Variants in LDB2 observed in about 807,000 individuals in gnomAD.
LDB2 encodes LIM domain binding 2.
A neutral mutation model predicts 44.3 loss-of-function variants in LDB2; 12 were observed. That is an observed-to-expected ratio of 0.27 (90% CI 0.17 to 0.44). The LOEUF (loss-of-function observed/expected upper bound fraction) is 0.44, where lower values mean the gene tolerates loss of function less well. Ranked by LOEUF, LDB2 falls within the 20% of genes least tolerant of loss-of-function variation. LDB2 has a pLI of 1.00. For missense variants in LDB2, 344 were observed against 473.5 expected (o/e 0.73, Z 2.54); for synonymous variants, 164 against 174.8 (o/e 0.94, Z 0.49).
At chr4:16,529,400 C>A (rs1357011949) in intron 5 of LDB2, among the ~76,000 whole-genome samples, 1 of 152,194 alleles carries the variant, frequency 6.6e-6, no homozygotes, top group Non-Finnish European at 1.5e-5. Context: ...AGGCAAACCA[C>A]TGACAGGCCA....
chr4:16,812,606 A>G (rs929752496), intron 1 of LDB2, among the ~76,000 whole-genome samples: 1 of 128,076 alleles, frequency 7.8e-6, no homozygotes, highest in East Asian at 2.9e-4. Context: ...ATATATATAT[A>G]TATATATATC....
intron 2 of LDB2, among the ~76,000 whole-genome samples, chr4:16,670,061 A>G (rs752320602): frequency 1.6e-4 from 25 of 152,210 alleles, no homozygotes; most frequent in Non-Finnish European, 3.5e-4. Context: ...AACCTAAAAT[A>G]TTTTCTGTCT....
chr4:16,580,566 C>A (rs1713979502), intron 5 of LDB2, among the ~76,000 whole-genome samples: 1 of 152,132 alleles, frequency 6.6e-6, no homozygotes, highest in South Asian at 2.1e-4. Flanking sequence ...CTTTTTGTGA[C>A]TAAAATATAG....
chr4:16,656,028 T>C (rs906334415), intron 2 of LDB2, among the ~76,000 whole-genome samples: 1 of 148,266 alleles, frequency 6.7e-6, no homozygotes, highest in Non-Finnish European at 1.5e-5. Flanking sequence ...GCCTCCCAAG[T>C]AGCTGGGACT....
chr4:16,631,917 C>A (rs1383880739), intron 2 of LDB2, among the ~76,000 whole-genome samples: 1 of 152,184 alleles, frequency 6.6e-6, no homozygotes, highest in Non-Finnish European at 1.5e-5. Context: ...AGACCAATAA[C>A]AAGTTCTGAA....
intron 2 of LDB2, among the ~76,000 whole-genome samples, chr4:16,640,803 C>T (rs1236482234): frequency 6.6e-6 from 1 of 152,072 alleles, no homozygotes; most frequent in South Asian, 2.1e-4. Context: ...AGATTCTATG[C>T]CAGAAGGCTG....
chr4:16,617,117 C>T (rs75901943), intron 2 of LDB2, among the ~76,000 whole-genome samples: 5 of 152,178 alleles, frequency 3.3e-5, no homozygotes, highest in African/African-American at 7.2e-5. Context: ...AAGGCAAAGC[C>T]GGACGTGATC....
chr4:16,685,787 G>A (rs539852676), intron 2 of LDB2, among the ~76,000 whole-genome samples: 1 of 152,268 alleles, frequency 6.6e-6, no homozygotes, highest in South Asian at 2.1e-4. Flanking sequence ...AGTGGTTCAT[G>A]CCTGTAATCC....
chr4:16,683,547 G>A (rs936598329), intron 2 of LDB2, among the ~76,000 whole-genome samples: 1 of 152,100 alleles, frequency 6.6e-6, no homozygotes, highest in African/African-American at 2.4e-5. Flanking sequence ...CATTTTTCAG[G>A]ACCAATTAAC....
intron 3 of LDB2, among the ~76,000 whole-genome samples, chr4:16,592,505 T>TATATACACAC (rs757702164): frequency 5.3e-4 from 57 of 108,030 alleles, no homozygotes; most frequent in African/African-American, 1.5e-3. Flanking sequence ...TATATATATA[T>TATATACACAC]ACACACACAC....
chr4:16,651,735 A>G (rs1047211196), intron 2 of LDB2, among the ~76,000 whole-genome samples: 2 of 152,172 alleles, frequency 1.3e-5, no homozygotes, highest in Non-Finnish European at 2.9e-5. Flanking sequence ...ACTAGGTCTA[A>G]CTATGACCCT....
At chr4:16,670,406 CA>C (rs1744409906) in intron 2 of LDB2, among the ~76,000 whole-genome samples, 1 of 152,148 alleles carries the variant, frequency 6.6e-6, no homozygotes, top group East Asian at 1.9e-4. Context: ...TATTCACAAA[CA>C]AATATTAAGT....
chr4:16,724,017 C>T (rs530762588), intron 2 of LDB2, among the ~76,000 whole-genome samples: 35 of 152,312 alleles, frequency 2.3e-4, no homozygotes, highest in Admixed American at 1.8e-3. Flanking sequence ...CTCCTGCCAT[C>T]TCCTCACTGC....
intron 1 of LDB2, among the ~76,000 whole-genome samples, chr4:16,783,556 T>C (rs1275525387): frequency 6.6e-6 from 1 of 152,270 alleles, no homozygotes; most frequent in African/African-American, 2.4e-5. Flanking sequence ...AAGGCAGAGC[T>C]GGCTTATGGA....
At chr4:16,590,731 A>G (rs141993062) in intron 3 of LDB2, among the ~76,000 whole-genome samples, 1 of 152,334 alleles carries the variant, frequency 6.6e-6, no homozygotes, top group Non-Finnish European at 1.5e-5. Flanking sequence ...CTCAGATCCA[A>G]TTAGCAGGAC....
At chr4:16,805,592 G>T (rs1026965734) in intron 1 of LDB2, among the ~76,000 whole-genome samples, 1 of 152,190 alleles carries the variant, frequency 6.6e-6, no homozygotes, top group Non-Finnish European at 1.5e-5. Context: ...GAGAGATGAG[G>T]TGAAGCTGAT....
At chr4:16,503,822 G>A (rs1465276384) in intron 7 of LDB2, among the ~76,000 whole-genome samples, 1 of 152,222 alleles carries the variant, frequency 6.6e-6, no homozygotes, top group Non-Finnish European at 1.5e-5. Context: ...ATGCAAATAA[G>A]TAAGCCACCT....
chr4:16,559,855 T>C (rs1342615344), intron 5 of LDB2, among the ~76,000 whole-genome samples: 1 of 152,116 alleles, frequency 6.6e-6, no homozygotes, highest in African/African-American at 2.4e-5. Flanking sequence ...ACAGAAATTA[T>C]AACAAACTGT....
chr4:16,673,768 G>C (rs1745523387), intron 2 of LDB2, among the ~76,000 whole-genome samples: 1 of 152,136 alleles, frequency 6.6e-6, no homozygotes, highest in Admixed American at 6.5e-5. Flanking sequence ...CAAGGCACAG[G>C]ACAGCACCTG....
Sources: allele counts gnomAD v4.1 joint callset (sites outside exome capture counted in the v4.1 genomes callset), GRCh38; gene constraint gnomAD v4.1.1; transcripts MANE v1.5; gene names NCBI Gene and HGNC (gene_info 2026-07-23, HGNC 2026-07-21).